Variants in NOTCH2NLB observed in about 807,000 individuals in gnomAD.
NOTCH2NLB encodes the protein notch 2 N-terminal like B.
Under a neutral mutation model 14.8 loss-of-function variants are expected in NOTCH2NLB, and 1 was observed. The observed-to-expected ratio is 0.07, with a 90% CI of 0.02 to 0.32. NOTCH2NLB has a LOEUF of 0.32. Ranked by LOEUF, NOTCH2NLB falls within the 10% of genes least tolerant of loss-of-function variation. NOTCH2NLB has a pLI of 1.00. For missense variants in NOTCH2NLB, 11 were observed against 155.0 expected, an observed-to-expected ratio of 0.07 and a Z score of 4.93; for synonymous variants, 6 against 57.5, an observed-to-expected ratio of 0.10 and a Z score of 4.05.
At chr1:148,647,157 CATT>C (rs1664396060) in intron 1 of NOTCH2NLB, among the ~76,000 whole-genome samples, 1 of 71,238 alleles carries the variant, frequency 1.4e-5, no homozygotes, top group Non-Finnish European at 3.1e-5. Flanking sequence ...TTTAAACTGG[CATT>C]ACTTGTTGCT....
chr1:148,655,875 GA>G (rs1358692868), intron 1 of NOTCH2NLB, among the ~76,000 whole-genome samples: 1 of 144,808 alleles, frequency 6.9e-6, no homozygotes, highest in Non-Finnish European at 1.5e-5. Context: ...GAAACGTGGG[GA>G]GTAAAAGATA....
At chr1:148,637,454 G>A (rs1436323201) in intron 2 of NOTCH2NLB, among the ~76,000 whole-genome samples, 2 of 139,184 alleles carry the variant, frequency 1.4e-5, no homozygotes, top group African/African-American at 5.6e-5. Flanking sequence ...ATATATAGGC[G>A]AACACTTAGA....
chr1:148,660,136 GAAGATAACCAGATATTA>G (rs1204739184), intron 1 of NOTCH2NLB, among the ~76,000 whole-genome samples: 3 of 99,468 alleles, frequency 3.0e-5, no homozygotes, highest in Non-Finnish European at 6.2e-5. Context: ...ACTTCAGAAA[GAAGATAACCAGATATTA>G]AAGATAACCA....
At chr1:148,684,946 C>T in the NOTCH2NLB span, among the ~76,000 whole-genome samples, 1 of 139,818 alleles carries the variant, frequency 7.2e-6, no homozygotes, top group Non-Finnish European at 1.6e-5. Flanking sequence ...AAAAAACTTA[C>T]CTAGAAATTT....
chr1:148,688,528 GC>G, the NOTCH2NLB span, among the ~76,000 whole-genome samples: 3 of 90,826 alleles, frequency 3.3e-5, no homozygotes, highest in African/African-American at 1.2e-4. Flanking sequence ...CAACAATAAA[GC>G]GTTAATAACG....
rs1248608181 is a variant in NOTCH2NLB, at chr1:148,628,113, GT to G, written c.77+11902del. Among the ~76,000 whole-genome samples, 14 of 119,374 alleles carry G rather than the reference GT, an allele frequency of 1.2e-4. 2 individuals are homozygous for G. The highest frequency in any genetic ancestry group is 2.2e-4 in the Non-Finnish European group (13 of 59,490). 78.3% of individuals were successfully genotyped at this position (119,374 alleles called of 152,430 possible). ...TTCCCTCCCACCTACCAAATATGAA[GT>G]TAACCAACACACACAAAGAGGCATG... On this transcript the variant is annotated intron_variant, in intron 2 of 4. Transcript: ENST00000593495.
At chr1:148,637,928 T>C (rs1234085900) in intron 2 of NOTCH2NLB, among the ~76,000 whole-genome samples, 1 of 148,430 alleles carries the variant, frequency 6.7e-6, no homozygotes, top group South Asian at 2.2e-4. Context: ...TAACTCATTC[T>C]TTTTTATGGC....
chr1:148,621,904 T>A (rs1256355265), intron 2 of NOTCH2NLB, among the ~76,000 whole-genome samples: 2 of 116,986 alleles, frequency 1.7e-5, no homozygotes, highest in Non-Finnish European at 3.4e-5. Context: ...ATTTTCTGCC[T>A]CCCTTCCCAG....
chr1:148,679,367 G>C lies in NOTCH2NLB; in HGVS notation c.3+95C>G, dbSNP rs1385794939. 2.0e-4 allele frequency: 121 copies of C among 608,150 alleles called. 19 individuals are homozygous for C. The South Asian group carries it at 2.2e-3, about 11-fold the overall frequency. 37.7% of individuals were successfully genotyped at this position (608,150 alleles called of 1,614,324 possible). ...TCGCTCCGCGCCGGCGGCCGAGCCT[G>C]GCCTTCCCACACAGAGAAGGACCGA... On this transcript the variant is annotated intron_variant, in intron 1 of 4. Coordinates refer to ENST00000593495, the Ensembl canonical transcript of NOTCH2NLB.
chr1:148,670,549 T>TATATATATATATATATAA (rs1664751961), intron 1 of NOTCH2NLB, among the ~76,000 whole-genome samples: 3 of 100,728 alleles, frequency 3.0e-5, no homozygotes, highest in Non-Finnish European at 6.0e-5. Flanking sequence ...AATATATATA[T>TATATATATATATATATAA]ATACATATAT....
chr1:148,607,027 TAATGTC>T (rs1422657329), downstream of NOTCH2NLB: 1 of 71,008 alleles, frequency 1.4e-5, no homozygotes, highest in Non-Finnish European at 2.4e-5. Flanking sequence ...CACCCACTGT[TAATGTC>T]AATTCAGTTT....
chr1:148,605,394 A>C (rs1314190667), downstream of NOTCH2NLB, among the ~76,000 whole-genome samples: 1 of 144,040 alleles, frequency 6.9e-6, no homozygotes, highest in Admixed American at 6.8e-5. Context: ...TTTTCTCTTC[A>C]TTGAATCTCC....
intron 1 of NOTCH2NLB, among the ~76,000 whole-genome samples, chr1:148,670,707 T>C (rs1664762715): frequency 1.8e-5 from 2 of 111,656 alleles, no homozygotes; most frequent in Admixed American, 1.8e-4. Flanking sequence ...CTTAACTACT[T>C]TTTCAAACAT....
At chr1:148,712,450 C>T in the NOTCH2NLB span, among the ~76,000 whole-genome samples, 1 of 152,262 alleles carries the variant, frequency 6.6e-6, no homozygotes, top group Non-Finnish European at 1.5e-5. Flanking sequence ...GCTGGGCTTT[C>T]CTGGGAATAT....
At position 148,637,225 on chromosome 1, in the gene NOTCH2NLB, C is replaced by T. The variant is rs1424131285; in HGVS notation, c.77+2791G>A. Reference sequence around the variant, plus strand: ...CTGGGATTACAGGTGCGTGCCACCACGCCCAGCTAATTTTTTGCATTTTTA... The same window carrying T: ...CTGGGATTACAGGTGCGTGCCACCATGCCCAGCTAATTTTTTGCATTTTTA... On this transcript the variant is annotated intron_variant, in intron 2 of 4. Coordinates refer to ENST00000593495, the Ensembl canonical transcript of NOTCH2NLB. Among the ~76,000 whole-genome samples, 10 of 144,798 alleles carry T rather than the reference C, an allele frequency of 6.9e-5. 1 individual carries two copies. Among genetic ancestry groups the T allele is most frequent in the South Asian group, 4.5e-4 (2 of 4,476 alleles). 95.0% of individuals were successfully genotyped at this position (144,798 alleles called of 152,430 possible).
rs1469187207 is a variant in NOTCH2NLB, at chr1:148,610,444, A to G, written c.338-2699T>C. The stretch of plus-strand genomic sequence containing the variant: ...CCTGAATTTGGTTTCCATATATATT[A>G]TGTATAGGCACTAACTTGCTGCCTA... On this transcript the variant is annotated intron_variant, in intron 3 of 4. Coordinates refer to ENST00000593495, the Ensembl canonical transcript of NOTCH2NLB. Among the ~76,000 whole-genome samples, 6 of 126,638 alleles carry G rather than the reference A, an allele frequency of 4.7e-5. 1 individual carries two copies. The highest frequency in any genetic ancestry group is 2.0e-4 in the African/African-American group (6 of 29,946). The allele number at this position is 126,638 out of a possible 152,430, so 83.1% of individuals were successfully genotyped here.
At chr1:148,633,574 A>C (rs1664158850) in intron 2 of NOTCH2NLB, among the ~76,000 whole-genome samples, 1 of 24,132 alleles carries the variant, frequency 4.1e-5, no homozygotes, top group East Asian at 1.9e-3. Context: ...ACAACAAAAA[A>C]CTATGTCCTC....
the NOTCH2NLB span, among the ~76,000 whole-genome samples, chr1:148,685,829 CAA>C: frequency 0.1 from 6,560 of 63,802 alleles, 18 homozygotes; most frequent in South Asian, 0.17. Flanking sequence ...ACCCTGTCTC[CAA>C]AAAAAAAAAA....
chr1:148,608,249 T>C (rs1267525872), intron 3 of NOTCH2NLB, among the ~76,000 whole-genome samples: 1 of 136,952 alleles, frequency 7.3e-6, no homozygotes, highest in East Asian at 2.0e-4. Flanking sequence ...TAGCTGGGCA[T>C]GGTGGCGCGC....
Sources: allele counts gnomAD v4.1 joint callset (sites outside exome capture counted in the v4.1 genomes callset), GRCh38; gene constraint gnomAD v4.1.1; transcripts MANE v1.5; gene names NCBI Gene and HGNC (gene_info 2026-07-23, HGNC 2026-07-21).